The following CD22 variants were observed in gnomAD, a reference collection of about 807,000 sequenced individuals.
CD22 encodes B-cell receptor CD22.
CD22 carries 51 observed loss-of-function variants against 94.7 expected under a neutral mutation model. The observed-to-expected ratio is 0.54, with a 90% CI of 0.43 to 0.68. The LOEUF (loss-of-function observed/expected upper bound fraction) is 0.68. CD22 is among the 30% of genes least tolerant of loss of function. The probability of loss-of-function intolerance (pLI) is 0.00; values close to 1 mark genes in which losing one functional copy is unlikely to be tolerated. For missense variants in CD22, 931 were observed against 1,060.4 expected (o/e 0.88, Z 1.69); for synonymous variants, 424 against 422.5 (o/e 1.00, Z -0.04).
At chr19:35,332,163 A>G (rs745956914) in intron 2 of CD22, 89 bp downstream of exon 2, 45 of 1,486,042 alleles carry the variant, frequency 3.0e-5, no homozygotes, top group Non-Finnish European at 4.0e-5. Flanking sequence ...AGAGGCGTCA[A>G]CATAGGGTAG....
intron 3 of CD22, 119 bp downstream of exon 3, chr19:35,333,043 C>T (rs559954767): frequency 1.0e-4 from 113 of 1,079,132 alleles, no homozygotes; most frequent in Middle Eastern, 3.1e-4. Context: ...AGGCAGGGGA[C>T]GCCAGCGGAT....
chr19:35,333,333 G>T (rs1306744602), intron 3 of CD22, among the ~76,000 whole-genome samples: 1 of 151,980 alleles, frequency 6.6e-6, no homozygotes, highest in Non-Finnish European at 1.5e-5. Context: ...AGACATTGGG[G>T]TCTGAAGCTG....
intron 1 of CD22, chr19:35,330,673 G>A (rs1393132279): frequency 6.6e-6 from 1 of 152,224 alleles, no homozygotes; most frequent in Non-Finnish European, 1.5e-5. Flanking sequence ...GAGTGGGAGG[G>A]GCTTGGGTTG....
rs772821688 is a variant in CD22 at position 35,332,785 on chromosome 19, G to C, written c.273G>C (p.Arg91Ser). ...KDGKVPSEQK[R>S]VQFLGDKNKN... ...GGAAGGTTCCTTCTGAGCAGAAAAG[G>C]GTGCAATTCCTGGGAGACAAGAATA... Residue 91 changes from arginine to serine, a missense_variant, in exon 3 of 14, where the codon AGG (arginine) becomes AGC (serine). Arg to Ser is a moderately radical substitution (Grantham distance 110). Transcript: ENST00000085219. 6.2e-7 allele frequency: 1 copy of C among 1,614,148 alleles called. No homozygotes were observed. Among genetic ancestry groups the C allele is most frequent in the South Asian group, 1.1e-5 (1 of 91,090 alleles).
At chr19:35,332,366 C>T in intron 2 of CD22, 181 bp from the exon 3 acceptor site, 1 of 703,690 alleles carries the variant, frequency 1.4e-6, no homozygotes, top group Non-Finnish European at 2.3e-6. Flanking sequence ...AATCTCAGCA[C>T]TTTGTGAGGC....
At chr19:35,340,272 C>T (rs1470190397) in intron 6 of CD22, among the ~76,000 whole-genome samples, 3 of 151,880 alleles carry the variant, frequency 2.0e-5, no homozygotes, top group Non-Finnish European at 2.9e-5. Flanking sequence ...GACTCACCCC[C>T]CACCCACCCC....
At chr19:35,331,448 A>G (rs1263583041) in intron 1 of CD22, among the ~76,000 whole-genome samples, 1 of 152,180 alleles carries the variant, frequency 6.6e-6, no homozygotes, top group Non-Finnish European at 1.5e-5. Flanking sequence ...GATGGATGGG[A>G]AAAAGCAAGC....
At chr19:35,343,709 C>T (rs1477692227) in intron 9 of CD22, among the ~76,000 whole-genome samples, 1 of 151,372 alleles carries the variant, frequency 6.6e-6, no homozygotes, top group African/African-American at 2.4e-5. Context: ...TAGCCCACAC[C>T]TCATAGCAGG....
At chr19:35,339,915 G>T (rs560540598) in intron 6 of CD22, among the ~76,000 whole-genome samples, 1 of 152,116 alleles carries the variant, frequency 6.6e-6, no homozygotes, top group Admixed American at 6.6e-5. Context: ...GAGACTTAGC[G>T]TCCCTAGGCA....
chr19:35,344,099 G>A (rs1204457225), intron 9 of CD22, among the ~76,000 whole-genome samples: 1 of 152,242 alleles, frequency 6.6e-6, no homozygotes, highest in Non-Finnish European at 1.5e-5. Context: ...GGGAGGCTGA[G>A]GCAGGAGAAT....
In CD22 at chr19:35,340,988, C is replaced by T. The variant is rs763068399; in HGVS notation, c.1357C>T (p.Arg453Trp). Residue 453 changes from arginine to tryptophan, a missense_variant, in exon 7 of 14, where the codon CGG (arginine) becomes TGG (tryptophan). Physicochemically the swap from Arg to Trp is moderately radical, Grantham distance 101. Coordinates refer to ENST00000085219, the MANE Select transcript of CD22 (RefSeq NM_001771.4). ...CAATTCCAGTAACCCCAGTGTTACC[C>T]GGTATGAATGGAAACCCCATGGCGC... ...NYNSSNPSVT[R>W]YEWKPHGAWE... The T allele has an allele frequency of 2.9e-5, 47 of 1,614,052 alleles. No individual in the cohort carries two copies. The highest frequency in any genetic ancestry group is 8.9e-5 in the East Asian group (4 of 44,894).
chr19:35,332,150 C>T, intron 2 of CD22, 76 bp downstream of exon 2: 1 of 1,555,860 alleles, frequency 6.4e-7, no homozygotes. Context: ...AAGACCCAGG[C>T]AGAGAGGCGT....
chr19:35,333,025 C>T, intron 3 of CD22, 101 bp downstream of exon 3: 1 of 1,314,990 alleles, frequency 7.6e-7, no homozygotes, highest in Non-Finnish European at 1.0e-6. Context: ...GAGCTTCCTG[C>T]AGAGCTCAGG....
rs1000087744 is a variant in CD22 at position 35,336,082 on chromosome 19, G to A, written c.459G>A (p.Glu153=). 5.0e-6 allele frequency: 8 copies of A among 1,613,844 alleles called. No homozygotes were observed. In the Admixed American group the frequency reaches 1.0e-4, roughly 20 times the overall value. The part of the protein sequence containing the change: ...PHIQLPPEIQ[E]SQEVTLTCLL... ...TCCAGCTCCCTCCAGAAATTCAAGA[G>A]TCCCAGGAAGTCACTCTGACCTGCT... The change falls in exon 4 of 14, where the codon GAG becomes GAA. Residue 153 remains glutamate, a synonymous_variant. Coordinates refer to ENST00000085219, the MANE Select transcript of CD22 (RefSeq NM_001771.4).
intron 12 of CD22, 109 bp downstream of exon 12, chr19:35,345,829 C>T: frequency 2.5e-6 from 2 of 794,042 alleles, no homozygotes; most frequent in Middle Eastern, 2.3e-4. Flanking sequence ...CACCCTGATA[C>T]ATGCTCTGCC....
chr19:35,346,644 G>A lies in CD22; in HGVS notation c.2491G>A (p.Gly831Arg), dbSNP rs547905156. 40 of 1,608,402 alleles carry A rather than the reference G, an allele frequency of 2.5e-5. No individual in the cohort carries two copies. The East Asian group carries it at 7.8e-4, about 31-fold the overall frequency. The change falls in exon 14 of 14, where the codon GGG becomes AGG. Residue 831 changes from glycine to arginine, a missense_variant. By Grantham distance (125) the Gly-to-Arg change is moderately radical (BLOSUM62 -2). Coordinates refer to ENST00000085219, the MANE Select transcript of CD22 (RefSeq NM_001771.4). ...HYSELIQFGVGERPQAQENVD... is the reference protein window; with the variant it reads ...HYSELIQFGVRERPQAQENVD... ...CTCAGAGCTGATCCAGTTTGGGGTC[G>A]GGGAGCGGCCTCAGGCACAAGAAAA...
chr19:35,337,407 C>G lies in CD22; in HGVS notation c.719-348C>G, dbSNP rs1040198283. Among the ~76,000 whole-genome samples the G allele has an allele frequency of 1.3e-5, 2 of 152,058 alleles. No homozygotes were observed. Among genetic ancestry groups the G allele is most frequent in the African/African-American group, 4.8e-5 (2 of 41,392 alleles). On this transcript the variant is annotated intron_variant, in intron 4 of 13. Coordinates refer to ENST00000085219, the MANE Select transcript of CD22 (RefSeq NM_001771.4). This position sits in a 1 kb window ranked among gnomAD's most constrained non-coding sequence, Gnocchi z 4.4. ...CCTCAGAGGCTGAAGTTCACCGCCT[C>G]TGAGGGCCACATGGTAGGACAGGAG...
Position 35,346,192 on chromosome 19 carries a change from G to A in CD22, c.2369G>A (p.Cys790Tyr), listed in dbSNP as rs1339858165. Residue 790 changes from cysteine to tyrosine, a missense_variant, in exon 13 of 14, where the codon TGC becomes TAC. By Grantham distance (194) the Cys-to-Tyr change is radical (BLOSUM62 -2). Coordinates refer to ENST00000085219, the MANE Select transcript of CD22 (RefSeq NM_001771.4). Reference protein sequence around the residue: ...SSEMQRPPPDCDDTVTYSALH... With the variant: ...SSEMQRPPPDYDDTVTYSALH... ...GAGATGCAGAGACCTCCCCCGGACT[G>A]CGATGACACGGTCACTTATTCAGCA... is the stretch of plus-strand genomic sequence containing the variant. 13 of 1,614,118 alleles carry A rather than the reference G, an allele frequency of 8.1e-6. No individual in the cohort carries two copies. The highest frequency in any genetic ancestry group is 1.1e-5 in the Non-Finnish European group (13 of 1,179,994).
chr19:35,346,384 G>A (rs1382098676), intron 13 of CD22, 149 bp downstream of exon 13: 22 of 1,084,092 alleles, frequency 2.0e-5, no homozygotes, highest in Non-Finnish European at 2.6e-5. Flanking sequence ...CTCCGGCAGA[G>A]CTGGCCAGAG....
Sources: gnomAD v4.1 joint callset for allele counts (sites outside exome capture counted in the v4.1 genomes callset) on GRCh38, gnomAD v4.1.1 for gene constraint, Gnocchi (gnomAD v3.1) non-coding constraint, MANE v1.5 for transcripts, NCBI Gene and HGNC (gene_info 2026-07-23, HGNC 2026-07-21) for gene names.